KIFAP3: variants seen among roughly 807,000 people sequenced by gnomAD.
The protein encoded by KIFAP3 is kinesin-associated protein 3.
Under a neutral mutation model 106.5 loss-of-function variants are expected in KIFAP3, and 68 were observed. The observed-to-expected ratio is 0.64, with a 90% CI of 0.53 to 0.78. The LOEUF (loss-of-function observed/expected upper bound fraction) is 0.78, where lower values mean the gene tolerates loss of function less well. KIFAP3 is among the 30% of genes least tolerant of loss of function. KIFAP3 has a pLI of 0.00. For synonymous variants in KIFAP3, 320 were observed against 311.5 expected (o/e 1.03, Z -0.29); for missense variants, 780 against 941.8 (o/e 0.83, Z 2.25).
intron 17 of KIFAP3, among the ~76,000 whole-genome samples, chr1:169,968,405 G>C (rs1377327562): frequency 6.6e-6 from 1 of 151,896 alleles, no homozygotes; most frequent in Non-Finnish European, 1.5e-5. Flanking sequence ...GAGCTACATA[G>C]ATCTGCTTTG....
intron 3 of KIFAP3, among the ~76,000 whole-genome samples, chr1:170,043,873 A>G (rs1408106153): frequency 1.3e-5 from 2 of 152,202 alleles, no homozygotes; most frequent in Non-Finnish European, 2.9e-5. Context: ...CCCCAATATT[A>G]AAGGGTACCA....
chr1:170,057,217 A>G lies in KIFAP3; in HGVS notation c.33-1781T>C, dbSNP rs572754455. On this transcript the variant is annotated intron_variant, in intron 1 of 19. Transcript: ENST00000361580. ...CAGATCCTTAGACTAGCCTCCTATT[A>G]CCACTTTAAAATGGGTCTTTCACAT... is the stretch of plus-strand genomic sequence containing the variant. 5.8e-4 allele frequency among the ~76,000 whole-genome samples: 88 copies of G among 152,210 alleles called. 1 individual carries two copies. Among genetic ancestry groups the G allele is most frequent in the Admixed American group, 2.2e-3 (34 of 15,278 alleles).
chr1:169,935,730 A>C (rs1663758169), intron 19 of KIFAP3, among the ~76,000 whole-genome samples: 1 of 152,016 alleles, frequency 6.6e-6, no homozygotes. Context: ...TTACTTAAGA[A>C]TCAAGATAAA....
At chr1:170,058,668 C>A (rs1474939322) in intron 1 of KIFAP3, among the ~76,000 whole-genome samples, 1 of 151,830 alleles carries the variant, frequency 6.6e-6, no homozygotes, top group Non-Finnish European at 1.5e-5. Context: ...AATGTAATTA[C>A]TAATGATACC....
At chr1:169,923,474 T>C (rs1217094227) in intron 19 of KIFAP3, among the ~76,000 whole-genome samples, 6 of 152,230 alleles carry the variant, frequency 3.9e-5, no homozygotes, top group Middle Eastern at 3.2e-3. Flanking sequence ...ATTATATAAC[T>C]GTTGATTACA....
At chr1:170,062,011 C>G (rs1671185404) in intron 1 of KIFAP3, among the ~76,000 whole-genome samples, 1 of 151,834 alleles carries the variant, frequency 6.6e-6, no homozygotes, top group African/African-American at 2.4e-5. Flanking sequence ...TGGGGCCTGT[C>G]ACGTGGTGGG....
At chr1:170,045,401 T>TA (rs1657991741) in intron 3 of KIFAP3, among the ~76,000 whole-genome samples, 1 of 152,302 alleles carries the variant, frequency 6.6e-6, no homozygotes, top group East Asian at 1.9e-4. Flanking sequence ...TTAAGGCTTT[T>TA]AAAAAGTCTA....
intron 9 of KIFAP3, among the ~76,000 whole-genome samples, chr1:170,018,731 T>A (rs951182439): frequency 1.3e-5 from 2 of 151,988 alleles, no homozygotes; most frequent in African/African-American, 4.8e-5. Context: ...AAAAATCACA[T>A]TAATAACTGA....
intron 10 of KIFAP3, among the ~76,000 whole-genome samples, chr1:170,004,091 G>A (rs1667811382): frequency 6.6e-6 from 1 of 152,148 alleles, no homozygotes; most frequent in Non-Finnish European, 1.5e-5. Context: ...AATCATGAGT[G>A]AACTCCCATT....
At position 169,992,143 on chromosome 1, in the gene KIFAP3, TA is replaced by T; in HGVS notation, c.1284+11del. ...TGTTAAATGTTTTTCATAAAACACTTAAACCACTTACCTGTGGTATACAGTC... is the reference window on the plus strand; with the variant it reads ...TGTTAAATGTTTTTCATAAAACACTTAACCACTTACCTGTGGTATACAGTC... On this transcript the variant is annotated intron_variant, in intron 11 of 19. Coordinates refer to ENST00000361580, the MANE Select transcript of KIFAP3 (RefSeq NM_014970.4). 7.4e-7 allele frequency: 1 copy of T among 1,348,616 alleles called. No homozygotes were observed. The highest frequency in any genetic ancestry group is 1.0e-6 in the Non-Finnish European group (1 of 1,001,808). 83.5% of individuals were successfully genotyped at this position (1,348,616 alleles called of 1,614,324 possible).
intron 1 of KIFAP3, chr1:170,068,900 A>G (rs1170420171): frequency 6.6e-6 from 1 of 152,094 alleles, no homozygotes; most frequent in Non-Finnish European, 1.5e-5. Context: ...AAGCAGCAAC[A>G]GAGACTAGAA....
intron 19 of KIFAP3, among the ~76,000 whole-genome samples, chr1:169,938,440 T>C (rs1663924817): frequency 6.6e-6 from 1 of 152,050 alleles, no homozygotes; most frequent in Admixed American, 6.6e-5. Flanking sequence ...ATTTAATAGA[T>C]GGTATGCATT....
intron 1 of KIFAP3, among the ~76,000 whole-genome samples, chr1:170,083,136 A>G (rs1672046503): frequency 6.6e-6 from 1 of 152,322 alleles, no homozygotes; most frequent in African/African-American, 2.4e-5. Context: ...ACTGCTGGAA[A>G]AAAAGAATAG....
At chr1:170,069,935 CA>C (rs1460935275) in intron 1 of KIFAP3, among the ~76,000 whole-genome samples, 1 of 151,820 alleles carries the variant, frequency 6.6e-6, no homozygotes, top group African/African-American at 2.4e-5. Flanking sequence ...AAAAATGGCA[CA>C]AAAAACTGGC....
intron 11 of KIFAP3, among the ~76,000 whole-genome samples, chr1:169,987,947 T>C (rs1666915461): frequency 6.6e-6 from 1 of 152,024 alleles, no homozygotes; most frequent in African/African-American, 2.4e-5. Flanking sequence ...CTCCCGCTTA[T>C]CCTCAAGTAT....
chr1:169,922,505 A>C (rs764598095), intron 19 of KIFAP3, among the ~76,000 whole-genome samples: 3 of 152,242 alleles, frequency 2.0e-5, no homozygotes, highest in Non-Finnish European at 4.4e-5. Context: ...AGATAGCTTG[A>C]AGTATGTTAA....
chr1:170,034,543 G>C, intron 6 of KIFAP3, 47 bp from the exon 7 acceptor site: 1 of 1,099,412 alleles, frequency 9.1e-7, no homozygotes, highest in Non-Finnish European at 1.3e-6. Context: ...TACATTTTAT[G>C]GGTACAGGAA....
intron 2 of KIFAP3, among the ~76,000 whole-genome samples, chr1:170,048,596 A>G (rs781302630): frequency 4.6e-5 from 7 of 151,802 alleles, no homozygotes; most frequent in Non-Finnish European, 7.4e-5. Flanking sequence ...AGTGAGACCA[A>G]CGCAAAAGGT....
In KIFAP3 at chr1:170,045,217, T is replaced by A. The variant is rs12032210; in HGVS notation, c.319+1495A>T. Among the ~76,000 whole-genome samples, 282 of 152,268 alleles carry A rather than the reference T, an allele frequency of 1.9e-3. 3 individuals carry two copies. In the East Asian group the frequency reaches 0.041, roughly 22 times the overall value. On this transcript the variant is annotated intron_variant, in intron 3 of 19. Transcript: ENST00000361580. ...GGAAAGACTAGCCTTCCATCTTGTC[T>A]ATGTAGTTTCTTTATAGTGTTCCTC...
Sources: gnomAD v4.1 joint callset for allele counts (sites outside exome capture counted in the v4.1 genomes callset) on GRCh38, gnomAD v4.1.1 for gene constraint, MANE v1.5 for transcripts, NCBI Gene and HGNC (gene_info 2026-07-23, HGNC 2026-07-21) for gene names.